FABP6: variants seen among roughly 807,000 people sequenced by gnomAD.
FABP6 encodes gastrotropin.
In FABP6, 13 loss-of-function variants were observed where a neutral mutation model predicts 14.9. That is an observed-to-expected ratio of 0.87 (90% CI 0.57 to 1.39). The LOEUF is 1.39. FABP6 is among the 40% of genes most tolerant of loss of function. The pLI, the probability that FABP6 is intolerant of heterozygous loss-of-function variation, is 0.00. For missense variants in FABP6, 161 were observed against 167.2 expected (o/e 0.96, Z 0.20); for synonymous variants, 75 against 63.6 (o/e 1.18, Z -0.85).
At chr5:160,194,774 T>C (rs1759477091) in intron 1 of FABP6, among the ~76,000 whole-genome samples, 1 of 152,096 alleles carries the variant, frequency 6.6e-6, no homozygotes, top group Non-Finnish European at 1.5e-5. Flanking sequence ...TTAGATCCCC[T>C]GTCCTGATGC....
At chr5:160,220,835 C>G (rs1395155445) in intron 3 of FABP6, among the ~76,000 whole-genome samples, 1 of 151,978 alleles carries the variant, frequency 6.6e-6, no homozygotes, top group African/African-American at 2.4e-5. Context: ...CGCCTGTAAT[C>G]CCAGCAGTTT....
intron 3 of FABP6, among the ~76,000 whole-genome samples, chr5:160,221,587 C>T (rs529429330): frequency 6.6e-6 from 1 of 152,262 alleles, no homozygotes; most frequent in African/African-American, 2.4e-5. Flanking sequence ...AAATTATTTC[C>T]CCCAAGGTTT....
At chr5:160,204,118 A>G (rs1215122043) in intron 2 of FABP6, among the ~76,000 whole-genome samples, 1 of 149,478 alleles carries the variant, frequency 6.7e-6, no homozygotes, top group Non-Finnish European at 1.5e-5. Context: ...CAGCCTAGGC[A>G]ATAGAGTGAG....
chr5:160,191,601 TTTTA>T (rs1186135135), intron 1 of FABP6, among the ~76,000 whole-genome samples: 5 of 152,182 alleles, frequency 3.3e-5, no homozygotes, highest in African/African-American at 1.2e-4. Context: ...CTGTTTCTCT[TTTTA>T]TTTATTAAAA....
chr5:160,202,530 C>T (rs536494275), intron 2 of FABP6, among the ~76,000 whole-genome samples: 2 of 152,154 alleles, frequency 1.3e-5, no homozygotes, highest in Non-Finnish European at 2.9e-5. Context: ...GGCGTGGTGG[C>T]TCACGCCCGT....
chr5:160,223,370 C>CTT (rs1561752119), intron 3 of FABP6, among the ~76,000 whole-genome samples: 2 of 64,122 alleles, frequency 3.1e-5, no homozygotes, highest in African/African-American at 7.9e-5. Flanking sequence ...TCTTTCCCTC[C>CTT]CTCCCTCCCT....
chr5:160,233,472 A>G (rs972280063), intron 2 of FABP6, among the ~76,000 whole-genome samples: 2 of 152,236 alleles, frequency 1.3e-5, no homozygotes, highest in Non-Finnish European at 2.9e-5. Flanking sequence ...TCTAGCTCCA[A>G]GAGCTGTGGT....
intron 2 of FABP6, among the ~76,000 whole-genome samples, chr5:160,200,547 G>A (rs1463510089): frequency 6.6e-6 from 1 of 151,808 alleles, no homozygotes; most frequent in Non-Finnish European, 1.5e-5. Context: ...TGAGTAGTTG[G>A]GATTACAGGC....
intron 2 of FABP6, among the ~76,000 whole-genome samples, chr5:160,234,380 CTT>C (rs35775372): frequency 0.19 from 15,700 of 84,434 alleles, 1,276 homozygotes; most frequent in Middle Eastern, 0.25. Flanking sequence ...AGAAATCTGA[CTT>C]TTTTTTTTTT....
intron 2 of FABP6, among the ~76,000 whole-genome samples, chr5:160,201,728 C>CA (rs5872634): frequency 0.34 from 51,790 of 151,512 alleles, 9,398 homozygotes; most frequent in Non-Finnish European, 0.4. Flanking sequence ...TTCTCCAGCC[C>CA]ACAGTGAGGT....
Position 160,232,108 on chromosome 5 carries a change from C to A in FABP6, c.78C>A (p.Ser26Arg), listed in dbSNP as rs761500860. Residue 26 changes from serine to arginine, a missense_variant, in exon 2 of 4, where the codon AGC becomes AGA. Physicochemically the swap from Ser to Arg is moderately radical, Grantham distance 110. Transcript: ENST00000402432. ...DEFMKLLGIS[S>R]DVIEKARNFK... ...TGTCCCCGGGTCCAGGGATCTCCAG[C>A]GATGTAATCGAAAAGGCCCGCAACT... 134 of 1,613,606 alleles carry A rather than the reference C, an allele frequency of 8.3e-5. No homozygotes were observed. Among genetic ancestry groups the A allele is most frequent in the Non-Finnish European group, 1.1e-4 (129 of 1,179,912 alleles).
At chr5:160,226,892 A>T (rs1561753805), upstream of FABP6, among the ~76,000 whole-genome samples, 1 of 152,244 alleles carries the variant, frequency 6.6e-6, no homozygotes, top group Admixed American at 6.5e-5. Flanking sequence ...AAAGTAATAG[A>T]TATACAAATT....
intron 2 of FABP6, among the ~76,000 whole-genome samples, chr5:160,233,587 G>A (rs1760438427): frequency 6.6e-6 from 1 of 152,060 alleles, no homozygotes. Flanking sequence ...TAGAAGTGAA[G>A]AAACTGGCCG....
intron 3 of FABP6, among the ~76,000 whole-genome samples, chr5:160,215,848 A>G (rs1028320270): frequency 2.6e-5 from 4 of 152,180 alleles, no homozygotes; most frequent in African/African-American, 9.7e-5. Context: ...AGGAGAGGAA[A>G]GAACCAGTGA....
At position 160,229,717 on chromosome 5, in the gene FABP6, A is replaced by C. The variant is rs1410981168; in HGVS notation, c.67+93A>C. On this transcript the variant is annotated intron_variant, in intron 1 of 3. Coordinates refer to ENST00000402432, the MANE Select transcript of FABP6 (RefSeq NM_001445.3). ...CTAAAGTAGAATGGGACAGGATTTC[A>C]TCCATTCATTCACTCACTCACTCAT... is the stretch of plus-strand genomic sequence containing the variant. The C allele has an allele frequency of 4.4e-6, 5 of 1,144,884 alleles. No homozygotes were observed. In the East Asian group the frequency reaches 9.5e-5, roughly 22 times the overall value. 70.9% of individuals were successfully genotyped at this position (1,144,884 alleles called of 1,614,324 possible).
At chr5:160,203,703 C>CTTT (rs11313636) in intron 2 of FABP6, among the ~76,000 whole-genome samples, 1 of 142,574 alleles carries the variant, frequency 7.0e-6, no homozygotes, top group Non-Finnish European at 1.5e-5. Context: ...TATTATATTT[C>CTTT]TTTTTTTTTT....
chr5:160,200,354 T>C (rs541410354), intron 2 of FABP6, among the ~76,000 whole-genome samples: 25 of 152,092 alleles, frequency 1.6e-4, no homozygotes, highest in Admixed American at 1.4e-3. Context: ...TTTCTGCCGT[T>C]GTGGGCAGAG....
intron 1 of FABP6, among the ~76,000 whole-genome samples, chr5:160,191,591 CTGTT>C (rs1399377781): frequency 2.0e-5 from 3 of 148,370 alleles, no homozygotes; most frequent in Admixed American, 6.7e-5. Flanking sequence ...GGCTTTCTTT[CTGTT>C]TCTCTTTTTA....
At chr5:160,207,616 T>C (rs1489047967) in intron 2 of FABP6, among the ~76,000 whole-genome samples, 1 of 152,210 alleles carries the variant, frequency 6.6e-6, no homozygotes, top group Non-Finnish European at 1.5e-5. Context: ...ATAAAATGTT[T>C]GTATGTATAT....
Sources: gnomAD v4.1 joint callset for allele counts (sites outside exome capture counted in the v4.1 genomes callset) on GRCh38, gnomAD v4.1.1 for gene constraint, MANE v1.5 for transcripts, NCBI Gene and HGNC (gene_info 2026-07-23, HGNC 2026-07-21) for gene names.